The following ITPR1 variants were observed in gnomAD, a reference collection of about 807,000 sequenced individuals.
ITPR1 encodes inositol 1,4,5-trisphosphate receptor type 1, also known as inositol 1,4,5-trisphosphate-gated calcium channel ITPR1.
In ITPR1, 96 loss-of-function variants were observed where a neutral mutation model predicts 318.4. The ratio of observed to expected loss-of-function variants is 0.30; its 90% confidence interval spans 0.26 to 0.36. The LOEUF (loss-of-function observed/expected upper bound fraction) is 0.36. ITPR1 is among the 10% of genes least tolerant of loss of function. The pLI is 1.00. For missense variants in ITPR1, 2,440 were observed against 3,460.2 expected, an observed-to-expected ratio of 0.71 and a Z score of 7.40; for synonymous variants, 1,312 against 1,289.9, an observed-to-expected ratio of 1.02 and a Z score of -0.37.
intron 59 of ITPR1, among the ~76,000 whole-genome samples, 165 bp from the exon 60 acceptor site, chr3:4,817,917 G>C (rs2049413736): frequency 6.6e-6 from 1 of 152,190 alleles, no homozygotes; most frequent in Non-Finnish European, 1.5e-5. Context: ...GTGTTTTCCT[G>C]CCATAATGTA....
intron 13 of ITPR1, among the ~76,000 whole-genome samples, chr3:4,659,833 C>A (rs7625412): frequency 0.051 from 7,720 of 152,018 alleles, 351 homozygotes; most frequent in East Asian, 0.13. Context: ...TATAGGTATT[C>A]ATATGTAATA....
Position 4,604,547 on chromosome 3 carries a change from A to T in ITPR1, c.164-23216A>T, listed in dbSNP as rs185700604. On this transcript the variant is annotated intron_variant, in intron 4 of 61. Coordinates refer to ENST00000649015, the MANE Select transcript of ITPR1 (RefSeq NM_001378452.1). ...GGAGATGAGCTATCTGGCTGCAATGACAAGCAATGTAAAGGAGCATTTCAG... is the reference window on the plus strand; with the variant it reads ...GGAGATGAGCTATCTGGCTGCAATGTCAAGCAATGTAAAGGAGCATTTCAG... 1.3e-4 allele frequency among the ~76,000 whole-genome samples: 20 copies of T among 152,280 alleles called. No individual in the cohort carries two copies. The East Asian group carries it at 2.3e-3, about 18-fold the overall frequency.
intron 39 of ITPR1, among the ~76,000 whole-genome samples, chr3:4,712,569 T>G (rs147388180): frequency 2.0e-4 from 30 of 152,366 alleles, no homozygotes; most frequent in African/African-American, 7.0e-4. Context: ...GCTAGCTACA[T>G]TTAGCAACAA....
chr3:4,670,691 A>G (rs41289634), intron 19 of ITPR1, 38 bp from the exon 20 acceptor site: 4 of 1,404,972 alleles, frequency 2.8e-6, no homozygotes, highest in Non-Finnish European at 3.9e-6. Flanking sequence ...AAGTATTTTT[A>G]AAAATAGTAA....
intron 4 of ITPR1, among the ~76,000 whole-genome samples, chr3:4,617,981 C>T (rs1189766431): frequency 6.2e-5 from 8 of 129,546 alleles, no homozygotes; most frequent in East Asian, 2.3e-4. Flanking sequence ...TGAGACCGTG[C>T]GTATCTCAAA....
At chr3:4,621,780 G>C (rs531525879) in intron 4 of ITPR1, among the ~76,000 whole-genome samples, 42 of 152,246 alleles carry the variant, frequency 2.8e-4, no homozygotes, top group Middle Eastern at 3.4e-3. Flanking sequence ...TCCAGCTCAG[G>C]GCGTTTGCAC....
intron 24 of ITPR1, among the ~76,000 whole-genome samples, chr3:4,679,241 G>T (rs1010305763): frequency 8.5e-5 from 13 of 152,236 alleles, no homozygotes; most frequent in African/African-American, 3.1e-4. Context: ...CAATGTTAGT[G>T]TGTTAGCGCT....
chr3:4,623,524 T>G (rs1211237911), intron 4 of ITPR1, among the ~76,000 whole-genome samples: 2 of 152,224 alleles, frequency 1.3e-5, no homozygotes, highest in Non-Finnish European at 2.9e-5. Context: ...CACACATATG[T>G]ACACACATGT....
At chr3:4,523,842 A>G (rs1180231775) in intron 4 of ITPR1, among the ~76,000 whole-genome samples, 1 of 152,176 alleles carries the variant, frequency 6.6e-6, no homozygotes, top group Non-Finnish European at 1.5e-5. Context: ...CACGACTGTA[A>G]AGGTGCCTGG....
chr3:4,689,799 A>G (rs992650313), intron 31 of ITPR1, among the ~76,000 whole-genome samples: 34 of 152,222 alleles, frequency 2.2e-4, no homozygotes, highest in African/African-American at 8.2e-4. Flanking sequence ...AAAGAACACT[A>G]TTTTTGAAAA....
At chr3:4,811,549 C>A in intron 56 of ITPR1, 89 bp downstream of exon 56, 2 of 1,005,136 alleles carry the variant, frequency 2.0e-6, no homozygotes, top group Non-Finnish European at 3.0e-6. Context: ...TTTAGTAATG[C>A]AGATATCTCC....
At chr3:4,650,642 TGTGCGC>T (rs1269777756) in intron 10 of ITPR1, among the ~76,000 whole-genome samples, 111 of 134,126 alleles carry the variant, frequency 8.3e-4, no homozygotes, top group African/African-American at 2.1e-3. Flanking sequence ...TGTGTGTGTG[TGTGCGC>T]GCGTCTGTCT....
intron 3 of ITPR1, 135 bp downstream of exon 3, chr3:4,516,718 C>A (rs1348089862): frequency 4.5e-6 from 3 of 671,226 alleles, no homozygotes; most frequent in Non-Finnish European, 7.9e-6. Context: ...TCACAAACAC[C>A]AAATCTCATG....
intron 40 of ITPR1, among the ~76,000 whole-genome samples, chr3:4,722,665 G>A (rs1198648399): frequency 1.3e-5 from 2 of 152,036 alleles, no homozygotes; most frequent in East Asian, 1.9e-4. Context: ...GCCAACATCC[G>A]CATTAGAAGG....
At position 4,641,224 on chromosome 3, in the gene ITPR1, G is replaced by T. The variant is rs188053318; in HGVS notation, c.367-869G>T. On this transcript the variant is annotated intron_variant, in intron 6 of 61. Coordinates refer to ENST00000649015, the MANE Select transcript of ITPR1 (RefSeq NM_001378452.1). ...GCCTTGGCCAACTCTTTCTGGTCTA[G>T]ACTGACTATCAGACACGTTATATCC... Among the ~76,000 whole-genome samples the T allele has an allele frequency of 4.6e-5, 7 of 152,238 alleles. No homozygotes were observed. The East Asian group carries it at 1.4e-3, about 29-fold the overall frequency.
chr3:4,717,315 A>AT, intron 39 of ITPR1, 52 bp from the exon 40 acceptor site: 1 of 1,359,734 alleles, frequency 7.4e-7, no homozygotes, highest in Non-Finnish European at 1.0e-6. Context: ...GCTGGCTTGT[A>AT]TTTCCTTTCC....
chr3:4,738,796 T>C (rs1458857675), intron 44 of ITPR1, among the ~76,000 whole-genome samples: 1 of 152,104 alleles, frequency 6.6e-6, no homozygotes, highest in Non-Finnish European at 1.5e-5. Context: ...TGAAATGCCA[T>C]GATGGAGTTA....
At chr3:4,603,764 T>A (rs1225993291) in intron 4 of ITPR1, among the ~76,000 whole-genome samples, 1 of 152,180 alleles carries the variant, frequency 6.6e-6, no homozygotes, top group Non-Finnish European at 1.5e-5. Context: ...CTGGGTCAAT[T>A]CCATGTCTTT....
intron 4 of ITPR1, among the ~76,000 whole-genome samples, chr3:4,598,999 T>G (rs2091064994): frequency 6.6e-6 from 1 of 151,606 alleles, no homozygotes. Flanking sequence ...ACAGGATCAT[T>G]ACTGATGAGC....
Sources: allele counts gnomAD v4.1 joint callset (sites outside exome capture counted in the v4.1 genomes callset), GRCh38; gene constraint gnomAD v4.1.1; transcripts MANE v1.5; gene names NCBI Gene and HGNC (gene_info 2026-07-23, HGNC 2026-07-21).